The following KCNMA1 variants were observed in gnomAD, a reference collection of about 807,000 sequenced individuals.
The protein encoded by KCNMA1 is Calcium-activated potassium channel subunit alpha-1.
KCNMA1 carries 29 observed loss-of-function variants against 140.0 expected under a neutral mutation model. That is an observed-to-expected ratio of 0.21 (90% CI 0.15 to 0.28). KCNMA1 has a LOEUF of 0.28. Among genes scored for constraint, KCNMA1 ranks in the 10% least tolerant of loss-of-function variants. KCNMA1 has a pLI of 1.00. For synonymous variants in KCNMA1, 612 were observed against 611.9 expected (o/e 1.00, Z 0.00); for missense variants, 880 against 1,602.2 (o/e 0.55, Z 7.70).
chr10:77,277,176 G>A (rs1485500054), intron 2 of KCNMA1, among the ~76,000 whole-genome samples: 1 of 152,162 alleles, frequency 6.6e-6, no homozygotes, highest in Non-Finnish European at 1.5e-5. Context: ...TTCAAGGGAG[G>A]AGAAGAAGGG....
At chr10:77,426,366 C>T (rs1179494285) in intron 1 of KCNMA1, among the ~76,000 whole-genome samples, 1 of 152,050 alleles carries the variant, frequency 6.6e-6, no homozygotes, top group Non-Finnish European at 1.5e-5. Context: ...TCTGAGCACT[C>T]CCTAAATAGT....
chr10:77,000,753 G>T (rs1358171074), intron 19 of KCNMA1, among the ~76,000 whole-genome samples: 1 of 151,214 alleles, frequency 6.6e-6, no homozygotes, highest in Non-Finnish European at 1.5e-5. Flanking sequence ...TAATCCACTA[G>T]CCCAGTGCAG....
intron 1 of KCNMA1, among the ~76,000 whole-genome samples, chr10:77,515,409 C>G (rs1398909405): frequency 1.3e-5 from 2 of 152,146 alleles, no homozygotes; most frequent in Non-Finnish European, 2.9e-5. Flanking sequence ...GCCACATGGG[C>G]TAAACCAAAC....
intron 1 of KCNMA1, among the ~76,000 whole-genome samples, chr10:77,622,538 G>A (rs542272363): frequency 6.6e-6 from 1 of 152,208 alleles, no homozygotes; most frequent in Non-Finnish European, 1.5e-5. Context: ...TCACTGGGTT[G>A]TTGTGAGGAT....
At chr10:77,321,706 T>C (rs571625487) in intron 2 of KCNMA1, among the ~76,000 whole-genome samples, 5 of 152,300 alleles carry the variant, frequency 3.3e-5, no homozygotes, top group African/African-American at 7.2e-5. Context: ...AATTCCTTTC[T>C]TGGGGAAAGA....
chr10:77,478,865 A>G (rs2098330812), intron 1 of KCNMA1, among the ~76,000 whole-genome samples: 1 of 152,248 alleles, frequency 6.6e-6, no homozygotes, highest in Non-Finnish European at 1.5e-5. Context: ...GTGAGCATCC[A>G]TATAAGATAT....
intron 9 of KCNMA1, among the ~76,000 whole-genome samples, chr10:77,096,226 C>G (rs1051033668): frequency 3.3e-5 from 5 of 152,116 alleles, no homozygotes; most frequent in Non-Finnish European, 7.4e-5. Context: ...ATAACCTAAG[C>G]TGGGAATTGG....
At chr10:77,511,583 T>C (rs1480354337) in intron 1 of KCNMA1, among the ~76,000 whole-genome samples, 1 of 152,170 alleles carries the variant, frequency 6.6e-6, no homozygotes, top group African/African-American at 2.4e-5. Flanking sequence ...GCCTAGTTCA[T>C]AGAATTTCTG....
At chr10:77,097,724 TC>T (rs1471756504) in intron 9 of KCNMA1, among the ~76,000 whole-genome samples, 1 of 152,200 alleles carries the variant, frequency 6.6e-6, no homozygotes, top group East Asian at 1.9e-4. Flanking sequence ...AAAAGGAGGT[TC>T]AGCAATAAGA....
intron 17 of KCNMA1, among the ~76,000 whole-genome samples, chr10:77,014,111 C>T (rs2091473658): frequency 6.6e-6 from 1 of 152,148 alleles, no homozygotes; most frequent in Admixed American, 6.6e-5. Context: ...CTGAAGCACA[C>T]CTTTTGTGGT....
At chr10:77,176,303 A>T (rs1259112984) in intron 5 of KCNMA1, among the ~76,000 whole-genome samples, 1 of 152,186 alleles carries the variant, frequency 6.6e-6, no homozygotes, top group Non-Finnish European at 1.5e-5. Context: ...ATGATTCCTA[A>T]AAAAGAGGGC....
intron 3 of KCNMA1, among the ~76,000 whole-genome samples, chr10:77,217,237 G>A (rs1397815795): frequency 6.6e-6 from 1 of 151,710 alleles, no homozygotes; most frequent in East Asian, 1.9e-4. Flanking sequence ...CCTAGAAGGT[G>A]GAGATTGCAG....
chr10:76,898,874 GAA>G (rs2043812125), intron 25 of KCNMA1, among the ~76,000 whole-genome samples: 1 of 151,696 alleles, frequency 6.6e-6, no homozygotes, highest in South Asian at 2.1e-4. Context: ...AAAGCAGGAT[GAA>G]AAGTGTCAGT....
chr10:76,874,151 G>C (rs953787926), downstream of KCNMA1: 1 of 152,152 alleles, frequency 6.6e-6, no homozygotes, highest in Non-Finnish European at 1.5e-5. Flanking sequence ...ACGTGATGCA[G>C]GTGTGTCCAA....
At chr10:77,189,996 T>C (rs978416775) in intron 3 of KCNMA1, among the ~76,000 whole-genome samples, 10 of 152,330 alleles carry the variant, frequency 6.6e-5, no homozygotes, top group African/African-American at 2.4e-4. Context: ...TATTTTCTAC[T>C]ATGTTTCAGT....
At chr10:76,941,638 CA>C (rs1157717087) in intron 23 of KCNMA1, among the ~76,000 whole-genome samples, 12 of 152,186 alleles carry the variant, frequency 7.9e-5, no homozygotes, top group Admixed American at 2.0e-4. Flanking sequence ...TCTTAGGGAG[CA>C]GAACAGACTG....
At chr10:77,305,543 A>C (rs766213851) in intron 2 of KCNMA1, among the ~76,000 whole-genome samples, 9 of 152,062 alleles carry the variant, frequency 5.9e-5, no homozygotes, top group Admixed American at 3.3e-4. Context: ...CTCAGAGGGG[A>C]GCTCTCTCTA....
intron 23 of KCNMA1, among the ~76,000 whole-genome samples, chr10:76,937,895 CTG>C (rs377764113): frequency 6.6e-6 from 1 of 150,862 alleles, no homozygotes; most frequent in African/African-American, 2.4e-5. Flanking sequence ...GGGAGGAAAG[CTG>C]TGTGTGTGTG....
At chr10:77,093,185 T>A (rs2096854354) in intron 9 of KCNMA1, among the ~76,000 whole-genome samples, 1 of 152,188 alleles carries the variant, frequency 6.6e-6, no homozygotes, top group African/African-American at 2.4e-5. Flanking sequence ...AGCCACAGCA[T>A]GATTTCTGGG....
Sources: gnomAD v4.1 joint callset for allele counts (sites outside exome capture counted in the v4.1 genomes callset) on GRCh38, gnomAD v4.1.1 for gene constraint, MANE v1.5 for transcripts, NCBI Gene and HGNC (gene_info 2026-07-23, HGNC 2026-07-21) for gene names.